The following CALN1 variants were observed in gnomAD, a reference collection of about 807,000 sequenced individuals.
The protein encoded by CALN1 is calcium-binding protein 8.
CALN1 carries 17 observed loss-of-function variants against 30.6 expected under a neutral mutation model. The observed-to-expected ratio is 0.56, with a 90% CI of 0.38 to 0.83. The LOEUF is 0.83. Ranked by LOEUF, CALN1 falls within the 40% of genes least tolerant of loss-of-function variation. CALN1 has a pLI of 0.00. For missense variants in CALN1, 291 were observed against 354.9 expected (o/e 0.82, Z 1.45); for synonymous variants, 156 against 131.4 (o/e 1.19, Z -1.28).
intron 4 of CALN1, among the ~76,000 whole-genome samples, chr7:72,059,798 GA>G (rs959403963): frequency 6.6e-6 from 1 of 151,756 alleles, no homozygotes; most frequent in East Asian, 1.9e-4. Context: ...CACTTAGGTT[GA>G]AAAAAAACTG....
In CALN1 at chr7:72,216,318, CGG is replaced by C. The variant is rs1192063175; in HGVS notation, c.244+62366_244+62367del. On this transcript the variant is annotated intron_variant, in intron 3 of 6. Transcript: ENST00000395275. ...GTGTGCACCTGTAGTCCCAGATACT[CGG>C]GAGGCCTAAGCAGGAGGATCACTGG... Among the ~76,000 whole-genome samples the C allele has an allele frequency of 2.0e-5, 3 of 151,890 alleles. No individual in the cohort carries two copies. The South Asian group carries it at 6.3e-4, about 32-fold the overall frequency.
intron 2 of CALN1, among the ~76,000 whole-genome samples, chr7:72,337,968 A>G (rs1802178151): frequency 6.6e-6 from 1 of 152,210 alleles, no homozygotes; most frequent in African/African-American, 2.4e-5. Flanking sequence ...CCCCTGCCCC[A>G]GGTCTCAAGG....
chr7:72,477,296 T>C, the CALN1 span, among the ~76,000 whole-genome samples: 1 of 152,160 alleles, frequency 6.6e-6, no homozygotes, highest in East Asian at 1.9e-4. Flanking sequence ...AGAATTGTAT[T>C]AGGGGAGCAA....
At chr7:72,396,464 A>T (rs1376119765) in intron 2 of CALN1, among the ~76,000 whole-genome samples, 2 of 151,266 alleles carry the variant, frequency 1.3e-5, no homozygotes, top group African/African-American at 2.4e-5. Flanking sequence ...GAAATAGAGC[A>T]ATGTATGCAA....
chr7:72,278,620 T>C (rs537040610), intron 3 of CALN1, 66 bp downstream of exon 3: 294 of 1,582,618 alleles, frequency 1.9e-4, no homozygotes, highest in Non-Finnish European at 2.5e-4. Context: ...TCAATTGAGC[T>C]TCACAATAGC....
chr7:72,407,998 G>T (rs963330244), intron 1 of CALN1, among the ~76,000 whole-genome samples: 1 of 152,172 alleles, frequency 6.6e-6, no homozygotes, highest in African/African-American at 2.4e-5. Flanking sequence ...CTCCCCTTCT[G>T]TGGCACTAGG....
chr7:72,033,159 C>T (rs1801567439), intron 4 of CALN1, among the ~76,000 whole-genome samples: 1 of 145,314 alleles, frequency 6.9e-6, no homozygotes, highest in African/African-American at 2.7e-5. Context: ...CGTGGTTTCC[C>T]CACTGCTATG....
chr7:72,371,770 A>C (rs1804256237), intron 2 of CALN1, among the ~76,000 whole-genome samples: 1 of 152,162 alleles, frequency 6.6e-6, no homozygotes, highest in Admixed American at 6.5e-5. Context: ...TGCTTTCTCC[A>C]CTGAATTGCC....
intron 3 of CALN1, among the ~76,000 whole-genome samples, chr7:72,261,264 C>T (rs1448106010): frequency 2.0e-5 from 3 of 151,988 alleles, no homozygotes; most frequent in Non-Finnish European, 4.4e-5. Context: ...GCGGAGATCA[C>T]GCCACTGCAT....
At chr7:72,212,060 T>C (rs1218022133) in intron 3 of CALN1, among the ~76,000 whole-genome samples, 1 of 152,066 alleles carries the variant, frequency 6.6e-6, no homozygotes, top group Non-Finnish European at 1.5e-5. Flanking sequence ...TGCTGTTAAA[T>C]ACCAGAGAGG....
chr7:72,314,981 CAAAAAAA>C (rs530371351), intron 2 of CALN1, among the ~76,000 whole-genome samples: 109 of 105,424 alleles, frequency 1.0e-3, no homozygotes, highest in Non-Finnish European at 1.9e-3. Flanking sequence ...CCCATCTCTA[CAAAAAAA>C]AAAAAAAAAT....
intron 2 of CALN1, among the ~76,000 whole-genome samples, chr7:72,291,195 T>C (rs1295859181): frequency 6.6e-6 from 1 of 152,202 alleles, no homozygotes; most frequent in African/African-American, 2.4e-5. Flanking sequence ...AGTGCTGGGA[T>C]TACAGATGTG....
chr7:72,250,220 AGAT>A (rs961877460), intron 3 of CALN1, among the ~76,000 whole-genome samples: 2 of 152,200 alleles, frequency 1.3e-5, no homozygotes, highest in African/African-American at 4.8e-5. Flanking sequence ...GATCTAAATA[AGAT>A]GATTAGGAGA....
At chr7:72,156,740 G>A (rs1787709346) in intron 3 of CALN1, among the ~76,000 whole-genome samples, 1 of 152,202 alleles carries the variant, frequency 6.6e-6, no homozygotes, top group East Asian at 1.9e-4. Context: ...TCCTCACTCT[G>A]AGGGATGCAC....
intron 5 of CALN1, among the ~76,000 whole-genome samples, chr7:71,965,568 CAACAAACA>C (rs3064969): frequency 0.15 from 22,499 of 151,740 alleles, 1,820 homozygotes; most frequent in Middle Eastern, 0.22. Flanking sequence ...AAAACAGTAA[CAACAAACA>C]AACAAACAAA....
chr7:72,434,301 G>C (rs1301621359), intron 1 of CALN1, among the ~76,000 whole-genome samples: 1 of 148,190 alleles, frequency 6.7e-6, no homozygotes, highest in Non-Finnish European at 1.5e-5. Context: ...TCAGGAGTTT[G>C]AGACCAGCCT....
intron 4 of CALN1, among the ~76,000 whole-genome samples, chr7:72,035,092 C>T (rs1398910353): frequency 2.0e-5 from 3 of 152,094 alleles, no homozygotes; most frequent in African/African-American, 7.2e-5. Context: ...CATGACAGCT[C>T]CTTCTTTTTT....
At chr7:72,010,851 A>AAAAGG (rs1190800727) in intron 5 of CALN1, among the ~76,000 whole-genome samples, 5 of 150,232 alleles carry the variant, frequency 3.3e-5, no homozygotes, top group Non-Finnish European at 7.4e-5. Context: ...AAAAGAAAAG[A>AAAAGG]AAAGGAAAGG....
At chr7:71,884,392 G>T (rs1471903262) in intron 5 of CALN1, among the ~76,000 whole-genome samples, 1 of 152,158 alleles carries the variant, frequency 6.6e-6, no homozygotes, top group Non-Finnish European at 1.5e-5. Context: ...ACACTGGACA[G>T]GGCGGACACA....
Sources: gnomAD v4.1 joint callset for allele counts (sites outside exome capture counted in the v4.1 genomes callset) on GRCh38, gnomAD v4.1.1 for gene constraint, MANE v1.5 for transcripts, NCBI Gene and HGNC (gene_info 2026-07-23, HGNC 2026-07-21) for gene names.